MALRD1: variants seen among roughly 807,000 people sequenced by gnomAD.
MALRD1 encodes MAM and LDL-receptor class A domain-containing protein 1.
MALRD1 carries 247 observed loss-of-function variants against 242.1 expected under a neutral mutation model. That is an observed-to-expected ratio of 1.02 (90% CI 0.92 to 1.13). The LOEUF (loss-of-function observed/expected upper bound fraction) is 1.13, where lower values mean the gene tolerates loss of function less well. MALRD1 is among the 50% of genes most tolerant of loss of function. The pLI is 0.00. For missense variants in MALRD1, 2,989 were observed against 2,533.1 expected (o/e 1.18, Z -3.86); for synonymous variants, 995 against 866.6 (o/e 1.15, Z -2.60).
At chr10:19,359,880 G>T (rs1378244281) in intron 26 of MALRD1, among the ~76,000 whole-genome samples, 3 of 152,060 alleles carry the variant, frequency 2.0e-5, no homozygotes, top group Non-Finnish European at 4.4e-5. Flanking sequence ...CAACAAACCA[G>T]CTCATCACAC....
intron 32 of MALRD1, 130 bp from the exon 33 acceptor site, chr10:19,567,372 A>C: frequency 2.5e-6 from 2 of 807,410 alleles, no homozygotes; most frequent in Admixed American, 2.8e-5. Flanking sequence ...ATTTCTACAG[A>C]TAGAAAATAC....
intron 14 of MALRD1, among the ~76,000 whole-genome samples, chr10:19,187,147 T>C (rs985073237): frequency 7.2e-5 from 11 of 152,202 alleles, no homozygotes; most frequent in African/African-American, 2.7e-4. Context: ...GTGTTTGAAG[T>C]AAATTTGCAT....
chr10:19,668,061 A>G (rs1401040293), intron 36 of MALRD1, among the ~76,000 whole-genome samples: 2 of 152,156 alleles, frequency 1.3e-5, no homozygotes, highest in African/African-American at 4.8e-5. Flanking sequence ...CTCCACCCTC[A>G]TGCTTTCAAC....
chr10:19,302,223 A>G (rs1841980855), intron 21 of MALRD1, among the ~76,000 whole-genome samples: 1 of 151,814 alleles, frequency 6.6e-6, no homozygotes, highest in African/African-American at 2.4e-5. Context: ...TAAAAAGTCA[A>G]ACAGAATTAT....
At chr10:19,194,255 C>A (rs1042453195) in intron 14 of MALRD1, among the ~76,000 whole-genome samples, 1 of 151,950 alleles carries the variant, frequency 6.6e-6, no homozygotes, top group Admixed American at 6.6e-5. Flanking sequence ...AGAAAATAAA[C>A]GTAGGTTATT....
intron 24 of MALRD1, among the ~76,000 whole-genome samples, chr10:19,344,163 T>C (rs1335989447): frequency 2.0e-5 from 3 of 152,134 alleles, no homozygotes. Flanking sequence ...TTAATGTTGA[T>C]GAAGTTCAAT....
intron 18 of MALRD1, among the ~76,000 whole-genome samples, chr10:19,243,204 CT>C (rs1838872568): frequency 4.7e-5 from 7 of 148,108 alleles, no homozygotes; most frequent in Admixed American, 4.0e-4. Context: ...CTCTTGACTT[CT>C]CCCCCGCCAC....
intron 19 of MALRD1, among the ~76,000 whole-genome samples, chr10:19,261,446 T>TAAA (rs531115191): frequency 0.016 from 2,147 of 134,998 alleles, 58 homozygotes; most frequent in African/African-American, 0.055. Context: ...GAGCTCTACG[T>TAAA]AAAAAAAAAA....
rs552130526 is a variant in MALRD1 at position 19,421,197 on chromosome 10, G to A, written c.4846-29110G>A. On this transcript the variant is annotated intron_variant, in intron 28 of 39. Transcript: ENST00000454679. ...TCCTGTCTCTGAAGATGCTTTTGATGCATCTGTTTGTGTGTGTATGTGTAT... is the reference window on the plus strand; with the variant it reads ...TCCTGTCTCTGAAGATGCTTTTGATACATCTGTTTGTGTGTGTATGTGTAT... Among the ~76,000 whole-genome samples, 9 of 152,248 alleles carry A rather than the reference G, an allele frequency of 5.9e-5. No homozygotes were observed. In the South Asian group the frequency reaches 1.7e-3, roughly 28 times the overall value.
chr10:19,709,582 T>C (rs993515028), intron 38 of MALRD1, among the ~76,000 whole-genome samples: 1 of 152,192 alleles, frequency 6.6e-6, no homozygotes, highest in Non-Finnish European at 1.5e-5. Context: ...TCTGAAATTC[T>C]ATGATTTAAA....
intron 26 of MALRD1, among the ~76,000 whole-genome samples, chr10:19,364,329 G>T (rs530324213): frequency 4.5e-4 from 68 of 152,118 alleles, no homozygotes; most frequent in African/African-American, 1.6e-3. Flanking sequence ...TGATTGGTAG[G>T]AATGAAATCA....
At chr10:19,159,663 G>A (rs922859481) in intron 12 of MALRD1, among the ~76,000 whole-genome samples, 1 of 151,858 alleles carries the variant, frequency 6.6e-6, no homozygotes, top group Non-Finnish European at 1.5e-5. Context: ...AAAGAAAACA[G>A]AAAAATAAGG....
intron 28 of MALRD1, among the ~76,000 whole-genome samples, chr10:19,424,962 C>G (rs1699834522): frequency 6.6e-6 from 1 of 151,818 alleles, no homozygotes; most frequent in Admixed American, 6.6e-5. Flanking sequence ...ATAAAGGCAA[C>G]AAAGGAGAAA....
chr10:19,454,749 C>T (rs973847596), intron 29 of MALRD1, among the ~76,000 whole-genome samples: 7 of 148,444 alleles, frequency 4.7e-5, no homozygotes, highest in Non-Finnish European at 1.0e-4. Flanking sequence ...CACACACACA[C>T]ATTATATGTA....
intron 35 of MALRD1, among the ~76,000 whole-genome samples, 175 bp downstream of exon 35, chr10:19,608,077 A>G (rs1030814552): frequency 6.6e-6 from 1 of 152,166 alleles, no homozygotes; most frequent in African/African-American, 2.4e-5. Context: ...TGTCTAAAGT[A>G]TTATAAACAT....
intron 26 of MALRD1, among the ~76,000 whole-genome samples, chr10:19,373,906 A>G (rs1426940008): frequency 6.6e-6 from 1 of 152,204 alleles, no homozygotes; most frequent in Non-Finnish European, 1.5e-5. Context: ...TCAATTCAAA[A>G]CAATTTGTGA....
intron 18 of MALRD1, among the ~76,000 whole-genome samples, chr10:19,239,291 C>G (rs996221190): frequency 6.6e-6 from 1 of 152,022 alleles, no homozygotes; most frequent in Non-Finnish European, 1.5e-5. Flanking sequence ...AACTCCTGAC[C>G]TCAGGCAATC....
intron 31 of MALRD1, among the ~76,000 whole-genome samples, chr10:19,503,354 T>A (rs74398480): frequency 0.034 from 5,198 of 152,292 alleles, 166 homozygotes; most frequent in African/African-American, 0.084. Flanking sequence ...TTAATTAAAA[T>A]TGTATTTATG....
intron 36 of MALRD1, among the ~76,000 whole-genome samples, chr10:19,677,380 T>C (rs1842179293): frequency 6.6e-6 from 1 of 152,184 alleles, no homozygotes; most frequent in Admixed American, 6.5e-5. Context: ...TGGTATCTCA[T>C]TGTGGTTTTG....
Sources: gnomAD v4.1 joint callset for allele counts (sites outside exome capture counted in the v4.1 genomes callset) on GRCh38, gnomAD v4.1.1 for gene constraint, MANE v1.5 for transcripts, NCBI Gene and HGNC (gene_info 2026-07-23, HGNC 2026-07-21) for gene names.